The following NAALADL2 variants were observed in gnomAD, a reference collection of about 807,000 sequenced individuals.
The protein encoded by NAALADL2 is N-acetylated alpha-linked acidic dipeptidase like 2, also known as inactive N-acetylated-alpha-linked acidic dipeptidase-like protein 2.
Under a neutral mutation model 87.2 loss-of-function variants are expected in NAALADL2, and 76 were observed. The observed-to-expected ratio is 0.87, with a 90% CI of 0.72 to 1.05. The LOEUF is 1.05. NAALADL2 is among the 50% of genes least tolerant of loss of function. The pLI is 0.00. For synonymous variants in NAALADL2, 354 were observed against 331.0 expected, an observed-to-expected ratio of 1.07 and a Z score of -0.75; for missense variants, 1,089 against 945.8, an observed-to-expected ratio of 1.15 and a Z score of -1.99.
At chr3:175,006,670 C>T (rs1381330449) in intron 1 of NAALADL2, among the ~76,000 whole-genome samples, 1 of 150,788 alleles carries the variant, frequency 6.6e-6, no homozygotes, top group Admixed American at 6.6e-5. Flanking sequence ...TGTTTTTCTG[C>T]TAAGTGTATA....
upstream of NAALADL2, among the ~76,000 whole-genome samples, chr3:174,857,385 T>A (rs1185432834): frequency 6.6e-6 from 1 of 152,162 alleles, no homozygotes; most frequent in Admixed American, 6.6e-5. Context: ...TTTATATTTG[T>A]ATGGATTTTT....
chr3:175,396,257 C>G (rs1769765350), intron 5 of NAALADL2, among the ~76,000 whole-genome samples: 1 of 152,022 alleles, frequency 6.6e-6, no homozygotes, highest in Admixed American at 6.6e-5. Flanking sequence ...GTAGTTCATT[C>G]TGAGTAAAGT....
rs181806855 is a variant in NAALADL2, at chr3:175,083,664, T to G, written c.44-13126T>G. ...TAATAGTTACATAGGATTTTATAGT[T>G]TATCAAATGCCTTTAATTTAATATT... is the stretch of plus-strand genomic sequence containing the variant. On this transcript the variant is annotated intron_variant, in intron 1 of 13. Transcript: ENST00000454872. Among the ~76,000 whole-genome samples the G allele has an allele frequency of 2.4e-3, 367 of 152,276 alleles. 4 individuals are homozygous for G. The highest frequency in any genetic ancestry group is 8.4e-3 in the African/African-American group (347 of 41,538).
intron 2 of NAALADL2, among the ~76,000 whole-genome samples, chr3:175,223,340 AT>A (rs71626204): frequency 0.022 from 3,098 of 139,840 alleles, 96 homozygotes; most frequent in African/African-American, 0.074. Flanking sequence ...TATTAGTTTG[AT>A]TTTTTTTTTT....
At chr3:174,780,372 G>T (rs776026533) in intron 3 of NAALADL2, among the ~76,000 whole-genome samples, 4 of 152,146 alleles carry the variant, frequency 2.6e-5, no homozygotes, top group Non-Finnish European at 4.4e-5. Context: ...TCAGATTAAG[G>T]AGATTTTGGG....
intron 2 of NAALADL2, among the ~76,000 whole-genome samples, chr3:174,552,208 A>C (rs903866485): frequency 3.3e-5 from 5 of 152,132 alleles, no homozygotes; most frequent in African/African-American, 1.2e-4. Context: ...AACGTATATA[A>C]TCTTTCCGAA....
chr3:175,580,758 T>A (rs191260489), intron 10 of NAALADL2, among the ~76,000 whole-genome samples: 28 of 152,264 alleles, frequency 1.8e-4, no homozygotes, highest in Middle Eastern at 3.4e-3. Flanking sequence ...CTTATTTTTT[T>A]AAAAATTTCT....
At chr3:175,707,524 T>C (rs1456109580) in intron 11 of NAALADL2, among the ~76,000 whole-genome samples, 3 of 152,114 alleles carry the variant, frequency 2.0e-5, no homozygotes, top group Non-Finnish European at 2.9e-5. Flanking sequence ...TTCTCATCCA[T>C]ATTGCATAGA....
chr3:175,457,884 T>G (rs1722556401), intron 6 of NAALADL2, among the ~76,000 whole-genome samples: 1 of 152,004 alleles, frequency 6.6e-6, no homozygotes, highest in Non-Finnish European at 1.5e-5. Context: ...TTCTATTCAT[T>G]TCTTGGTATG....
chr3:174,655,256 T>C (rs987964067), intron 2 of NAALADL2, among the ~76,000 whole-genome samples: 11 of 152,102 alleles, frequency 7.2e-5, no homozygotes, highest in African/African-American at 2.2e-4. Flanking sequence ...TTTGCTGCTG[T>C]TGTTGTTAAA....
chr3:174,946,858 A>G (rs1200783842), intron 1 of NAALADL2, among the ~76,000 whole-genome samples: 1 of 152,224 alleles, frequency 6.6e-6, no homozygotes, highest in Admixed American at 6.5e-5. Context: ...ATTCATTTAT[A>G]TTGAACATAT....
At chr3:175,252,303 A>C (rs576127017) in intron 3 of NAALADL2, among the ~76,000 whole-genome samples, 1 of 152,228 alleles carries the variant, frequency 6.6e-6, no homozygotes, top group East Asian at 1.9e-4. Flanking sequence ...GCAATATTCC[A>C]ATCTTTTTCA....
chr3:174,983,090 G>C (rs1036083083), intron 1 of NAALADL2, among the ~76,000 whole-genome samples: 1 of 152,126 alleles, frequency 6.6e-6, no homozygotes, highest in African/African-American at 2.4e-5. Flanking sequence ...GAGCCACCGC[G>C]CCCAGCCAAA....
At chr3:175,577,181 T>G (rs567426063) in intron 10 of NAALADL2, among the ~76,000 whole-genome samples, 1 of 152,302 alleles carries the variant, frequency 6.6e-6, no homozygotes, top group Non-Finnish European at 1.5e-5. Context: ...ACTCTGACAC[T>G]TACTCGACAA....
intron 1 of NAALADL2, among the ~76,000 whole-genome samples, chr3:174,911,297 A>G (rs1733674303): frequency 1.3e-5 from 2 of 152,170 alleles, no homozygotes; most frequent in Admixed American, 6.5e-5. Context: ...TCATAAGGGT[A>G]GGACAGTCAA....
At chr3:175,256,721 G>C in intron 4 of NAALADL2, 191 bp downstream of exon 4, 1 of 412,308 alleles carries the variant, frequency 2.4e-6, no homozygotes, top group African/African-American at 2.1e-5. Context: ...TTTAATTTAA[G>C]ATATTTAAGA....
intron 2 of NAALADL2, among the ~76,000 whole-genome samples, chr3:175,106,274 T>C (rs1249236279): frequency 2.0e-5 from 3 of 152,136 alleles, no homozygotes; most frequent in Non-Finnish European, 2.9e-5. Flanking sequence ...TTAATTTTTC[T>C]AATTTATGTT....
chr3:174,667,944 T>G (rs1412844744), intron 2 of NAALADL2, among the ~76,000 whole-genome samples: 1 of 149,844 alleles, frequency 6.7e-6, no homozygotes, highest in African/African-American at 2.5e-5. Context: ...GAAATCTTTA[T>G]TTTTTTTATG....
intron 1 of NAALADL2, among the ~76,000 whole-genome samples, chr3:174,875,112 CAAAAAAAAAA>C (rs10547300): frequency 1.4e-4 from 6 of 41,536 alleles, no homozygotes; most frequent in African/African-American, 3.8e-4. Context: ...GACCCTGTCT[CAAAAAAAAAA>C]AAAAAAAAAA....
Sources: allele counts gnomAD v4.1 joint callset (sites outside exome capture counted in the v4.1 genomes callset), GRCh38; gene constraint gnomAD v4.1.1; transcripts MANE v1.5; gene names NCBI Gene and HGNC (gene_info 2026-07-23, HGNC 2026-07-21).